SPTBN1: variants seen among roughly 807,000 people sequenced by gnomAD.
SPTBN1 encodes spectrin beta chain, non-erythrocytic 1.
Under a neutral mutation model 266.4 loss-of-function variants are expected in SPTBN1, and 32 were observed. The ratio of observed to expected loss-of-function variants is 0.12; its 90% CI spans 0.09 to 0.16. The LOEUF (loss-of-function observed/expected upper bound fraction) is 0.16. Among genes scored for constraint, SPTBN1 ranks in the 10% least tolerant of loss-of-function variants. The pLI is 1.00. For missense variants in SPTBN1, 2,296 were observed against 3,067.1 expected (o/e 0.75, Z 5.94); for synonymous variants, 1,336 against 1,162.2 (o/e 1.15, Z -3.04).
At chr2:54,556,577 T>C (rs567387710) in intron 2 of SPTBN1, among the ~76,000 whole-genome samples, 10 of 152,286 alleles carry the variant, frequency 6.6e-5, no homozygotes, top group Non-Finnish European at 1.3e-4. Flanking sequence ...TAGAGACTTA[T>C]CATTTCACCA....
chr2:54,542,691 CA>C (rs1194898557), intron 2 of SPTBN1, among the ~76,000 whole-genome samples: 2 of 152,100 alleles, frequency 1.3e-5, no homozygotes, highest in Non-Finnish European at 2.9e-5. Flanking sequence ...AGGGAAGAAA[CA>C]AGGCCCTGAA....
chr2:54,562,166 C>T (rs1558842424), intron 2 of SPTBN1, among the ~76,000 whole-genome samples: 1 of 152,182 alleles, frequency 6.6e-6, no homozygotes, highest in Non-Finnish European at 1.5e-5. Flanking sequence ...AAAACCCAAC[C>T]TCCCATATTT....
At chr2:54,610,016 G>C (rs1677105403) in intron 3 of SPTBN1, among the ~76,000 whole-genome samples, 1 of 139,432 alleles carries the variant, frequency 7.2e-6, no homozygotes, top group Admixed American at 7.1e-5. Flanking sequence ...TTCTCTTACT[G>C]GGCTTTTGTG....
chr2:54,660,351 A>C, intron 32 of SPTBN1: 1 of 1,209,364 alleles, frequency 8.3e-7, no homozygotes, highest in Non-Finnish European at 1.0e-6. Flanking sequence ...TGAGTAATTG[A>C]AATGAAATTA....
At chr2:54,627,663 C>T (rs1678444068) in intron 12 of SPTBN1, among the ~76,000 whole-genome samples, 1 of 152,168 alleles carries the variant, frequency 6.6e-6, no homozygotes, top group Non-Finnish European at 1.5e-5. Context: ...TTGAAGTGAC[C>T]AAGTCTATCA....
chr2:54,546,034 T>A (rs1348617918), intron 2 of SPTBN1, among the ~76,000 whole-genome samples: 2 of 152,184 alleles, frequency 1.3e-5, no homozygotes, highest in African/African-American at 4.8e-5. Context: ...TTATGCTTGA[T>A]GAGTCAGAAA....
intron 2 of SPTBN1, among the ~76,000 whole-genome samples, chr2:54,584,923 G>C (rs528116064): frequency 6.6e-6 from 1 of 152,214 alleles, no homozygotes. Context: ...AAAGGCTTGC[G>C]TGTAGGGACA....
At chr2:54,607,438 C>T (rs1323552167) in intron 3 of SPTBN1, among the ~76,000 whole-genome samples, 1 of 152,126 alleles carries the variant, frequency 6.6e-6, no homozygotes, top group African/African-American at 2.4e-5. Context: ...GCTTGGCCAA[C>T]ATGGTGAAAC....
intron 2 of SPTBN1, among the ~76,000 whole-genome samples, chr2:54,580,060 A>C (rs570147619): frequency 1.3e-5 from 2 of 152,288 alleles, no homozygotes; most frequent in Admixed American, 1.3e-4. Flanking sequence ...AAAGCCATAT[A>C]TGAGAGAGAT....
At chr2:54,484,621 T>C (rs1490229405) in intron 1 of SPTBN1, among the ~76,000 whole-genome samples, 1 of 152,204 alleles carries the variant, frequency 6.6e-6, no homozygotes, top group African/African-American at 2.4e-5. Context: ...CTGGTAACTC[T>C]TCAGGGTGCC....
At chr2:54,654,890 G>A (rs1410089487) in intron 27 of SPTBN1, among the ~76,000 whole-genome samples, 180 bp from the exon 28 acceptor site, 1 of 152,190 alleles carries the variant, frequency 6.6e-6, no homozygotes, top group Non-Finnish European at 1.5e-5. Context: ...ACTGAACTGT[G>A]CTGTCACTGT....
intron 2 of SPTBN1, among the ~76,000 whole-genome samples, chr2:54,561,476 T>C (rs1440628952): frequency 1.3e-5 from 2 of 152,122 alleles, no homozygotes; most frequent in East Asian, 3.8e-4. Flanking sequence ...ATTTATGTAT[T>C]GTCTGTGCCT....
At chr2:54,583,855 G>A (rs78966184) in intron 2 of SPTBN1, among the ~76,000 whole-genome samples, 1,713 of 152,124 alleles carry the variant, frequency 0.011, 33 homozygotes, top group African/African-American at 0.039. Flanking sequence ...CAGACCCATC[G>A]GGTGAACCTC....
At chr2:54,518,879 C>G (rs1210885714) in intron 1 of SPTBN1, among the ~76,000 whole-genome samples, 1 of 152,148 alleles carries the variant, frequency 6.6e-6, no homozygotes, top group Non-Finnish European at 1.5e-5. Flanking sequence ...GCTTTACTCT[C>G]TGAAATCTGA....
chr2:54,513,995 A>G (rs1179883617), intron 1 of SPTBN1, among the ~76,000 whole-genome samples: 1 of 152,244 alleles, frequency 6.6e-6, no homozygotes, highest in Non-Finnish European at 1.5e-5. Flanking sequence ...AGAGAGTATT[A>G]TATGTAAGCG....
intron 2 of SPTBN1, among the ~76,000 whole-genome samples, chr2:54,596,794 G>T (rs944953491): frequency 6.6e-6 from 1 of 152,136 alleles, no homozygotes; most frequent in Non-Finnish European, 1.5e-5. Flanking sequence ...TTTCAGCTCT[G>T]TTCTCTGCAC....
At chr2:54,487,343 C>T (rs535429088) in intron 1 of SPTBN1, among the ~76,000 whole-genome samples, 3 of 152,162 alleles carry the variant, frequency 2.0e-5, no homozygotes, top group Non-Finnish European at 4.4e-5. Context: ...ACATTATTCT[C>T]AGGACTAATT....
At chr2:54,571,576 TACACACACAC>T (rs67239523) in intron 2 of SPTBN1, among the ~76,000 whole-genome samples, 4 of 100,656 alleles carry the variant, frequency 4.0e-5, no homozygotes, top group African/African-American at 1.8e-4. Flanking sequence ...CACACACACA[TACACACACAC>T]ACACACACAC....
chr2:54,468,000 C>CAT (rs1693724348), intron 1 of SPTBN1, among the ~76,000 whole-genome samples: 1 of 152,014 alleles, frequency 6.6e-6, no homozygotes, highest in Admixed American at 6.6e-5. Flanking sequence ...ACCCCGGAAA[C>CAT]ATACAGTTAA....
Sources: gnomAD v4.1 joint callset for allele counts (sites outside exome capture counted in the v4.1 genomes callset) on GRCh38, gnomAD v4.1.1 for gene constraint, MANE v1.5 for transcripts, NCBI Gene and HGNC (gene_info 2026-07-23, HGNC 2026-07-21) for gene names.